Variants in RGS7BP observed in about 807,000 individuals in gnomAD.
RGS7BP encodes the protein regulator of G protein signaling 7-binding protein.
In RGS7BP, 9 loss-of-function variants were observed where a neutral mutation model predicts 31.3. That is an observed-to-expected ratio of 0.29 (90% CI 0.17 to 0.50). The LOEUF (loss-of-function observed/expected upper bound fraction) is 0.50, where lower values mean the gene tolerates loss of function less well. Ranked by LOEUF, RGS7BP falls within the 20% of genes least tolerant of loss-of-function variation. The probability of loss-of-function intolerance (pLI) is 0.98; values close to 1 mark genes in which losing one functional copy is unlikely to be tolerated. For synonymous variants in RGS7BP, 115 were observed against 120.1 expected, an observed-to-expected ratio of 0.96 and a Z score of 0.28; for missense variants, 274 against 322.0, an observed-to-expected ratio of 0.85 and a Z score of 1.14.
At chr5:64,564,985 C>T (rs1387929541) in intron 2 of RGS7BP, among the ~76,000 whole-genome samples, 1 of 152,072 alleles carries the variant, frequency 6.6e-6, no homozygotes, top group Non-Finnish European at 1.5e-5. Flanking sequence ...TTGACCACTG[C>T]AAGCCAAATG....
At chr5:64,529,968 C>A (rs749392233) in intron 2 of RGS7BP, among the ~76,000 whole-genome samples, 37 of 152,192 alleles carry the variant, frequency 2.4e-4, no homozygotes, top group African/African-American at 8.0e-4. Context: ...GACTTCTATA[C>A]CATTTCCATA....
chr5:64,593,727 G>C (rs3857265), intron 3 of RGS7BP, among the ~76,000 whole-genome samples: 73,869 of 151,898 alleles, frequency 0.49, 18,529 homozygotes, highest in African/African-American at 0.56. Flanking sequence ...TCTCTAGCAT[G>C]AATCCCAGTG....
At chr5:64,520,233 C>A (rs1054673778) in intron 2 of RGS7BP, among the ~76,000 whole-genome samples, 1 of 152,090 alleles carries the variant, frequency 6.6e-6, no homozygotes, top group African/African-American at 2.4e-5. Context: ...TCCCGACAGA[C>A]CCTTCTTTCT....
At chr5:64,602,040 T>G (rs1175226013) in intron 5 of RGS7BP, among the ~76,000 whole-genome samples, 1 of 152,172 alleles carries the variant, frequency 6.6e-6, no homozygotes, top group African/African-American at 2.4e-5. Context: ...TGGGCTAGAA[T>G]GAGTCCCCTC....
chr5:64,607,359 T>TG (rs1389276436), intron 5 of RGS7BP, among the ~76,000 whole-genome samples: 3 of 152,202 alleles, frequency 2.0e-5, no homozygotes, highest in African/African-American at 7.2e-5. Flanking sequence ...CCTGAGAACA[T>TG]GTGCCCAAGG....
intron 2 of RGS7BP, among the ~76,000 whole-genome samples, chr5:64,574,837 A>T (rs1742379050): frequency 6.6e-6 from 1 of 152,218 alleles, no homozygotes; most frequent in African/African-American, 2.4e-5. Context: ...ATATTTAAAA[A>T]TCAGATTTCA....
chr5:64,599,729 A>C (rs1192472305), intron 5 of RGS7BP, among the ~76,000 whole-genome samples: 1 of 152,234 alleles, frequency 6.6e-6, no homozygotes, highest in Non-Finnish European at 1.5e-5. Flanking sequence ...AAATAAGCAC[A>C]GTGTTTAGAA....
intron 2 of RGS7BP, 38 bp downstream of exon 2, chr5:64,507,915 G>C: frequency 1.3e-6 from 2 of 1,514,676 alleles, no homozygotes; most frequent in Non-Finnish European, 1.8e-6. Flanking sequence ...CCATATACAT[G>C]ATGCATGGAT....
chr5:64,515,634 T>G (rs1454740238), intron 2 of RGS7BP, among the ~76,000 whole-genome samples: 1 of 152,048 alleles, frequency 6.6e-6, no homozygotes, highest in African/African-American at 2.4e-5. Context: ...TGCCTGTTTA[T>G]TTCCTTTGCT....
At chr5:64,526,124 G>C (rs1749224551) in intron 2 of RGS7BP, among the ~76,000 whole-genome samples, 2 of 152,220 alleles carry the variant, frequency 1.3e-5, no homozygotes, top group Admixed American at 6.5e-5. Flanking sequence ...GTCAGCCAGA[G>C]AGACGAGAGC....
intron 3 of RGS7BP, among the ~76,000 whole-genome samples, chr5:64,588,474 A>G (rs546055480): frequency 1.1e-3 from 174 of 152,198 alleles, no homozygotes; most frequent in Non-Finnish European, 1.3e-3. Context: ...CCCTCCTGTC[A>G]CGCAGCCCAC....
chr5:64,573,661 A>G (rs376284226), intron 2 of RGS7BP: 2 of 151,286 alleles, frequency 1.3e-5, no homozygotes, highest in African/African-American at 4.9e-5. Flanking sequence ...GTGAAGCATT[A>G]TATTTATATT....
chr5:64,563,868 G>A (rs904827239), intron 2 of RGS7BP, among the ~76,000 whole-genome samples: 14 of 152,096 alleles, frequency 9.2e-5, no homozygotes, highest in African/African-American at 2.4e-4. Flanking sequence ...ATATTAACTT[G>A]GATTTTAGGG....
intron 2 of RGS7BP, among the ~76,000 whole-genome samples, chr5:64,560,209 T>G (rs1267124540): frequency 6.6e-6 from 1 of 152,182 alleles, no homozygotes; most frequent in Admixed American, 6.6e-5. Flanking sequence ...TTTAATGTGT[T>G]TACAGACATA....
chr5:64,599,034 A>C (rs1264300551), intron 5 of RGS7BP, among the ~76,000 whole-genome samples: 7 of 152,172 alleles, frequency 4.6e-5, no homozygotes, highest in Admixed American at 3.3e-4. Flanking sequence ...TATATGCCCT[A>C]ATGCACAAAT....
At chr5:64,548,033 G>A (rs529638905) in intron 2 of RGS7BP, among the ~76,000 whole-genome samples, 1 of 151,916 alleles carries the variant, frequency 6.6e-6, no homozygotes, top group African/African-American at 2.4e-5. Flanking sequence ...TCTAAAACCT[G>A]ACAAAGGAAA....
At chr5:64,576,285 C>T (rs1473552643) in intron 3 of RGS7BP, among the ~76,000 whole-genome samples, 1 of 152,074 alleles carries the variant, frequency 6.6e-6, no homozygotes, top group African/African-American at 2.4e-5. Flanking sequence ...TACATAGTGT[C>T]CCAAAGATTT....
chr5:64,604,826 GA>G (rs1411377527), intron 5 of RGS7BP, among the ~76,000 whole-genome samples: 1 of 152,060 alleles, frequency 6.6e-6, no homozygotes, highest in Non-Finnish European at 1.5e-5. Flanking sequence ...GAGCAATAGA[GA>G]AGTGGTTTGG....
intron 3 of RGS7BP, among the ~76,000 whole-genome samples, chr5:64,587,031 C>G (rs535736939): frequency 3.0e-4 from 45 of 152,116 alleles, no homozygotes; most frequent in Non-Finnish European, 1.0e-4. Context: ...AATGCCAGAG[C>G]TGGGTAGAGT....
Sources: allele counts gnomAD v4.1 joint callset (sites outside exome capture counted in the v4.1 genomes callset), GRCh38; gene constraint gnomAD v4.1.1; transcripts MANE v1.5; gene names NCBI Gene and HGNC (gene_info 2026-07-23, HGNC 2026-07-21).